The following PRUNE2 variants were observed in gnomAD, a reference collection of about 807,000 sequenced individuals.
PRUNE2 encodes the protein protein prune homolog 2.
Under a neutral mutation model 252.0 loss-of-function variants are expected in PRUNE2, and 164 were observed. The observed-to-expected ratio is 0.65, with a 90% CI of 0.57 to 0.74. PRUNE2 has a LOEUF of 0.74. Ranked by LOEUF, PRUNE2 falls within the 30% of genes least tolerant of loss-of-function variation. The pLI, the probability that PRUNE2 is intolerant of heterozygous loss-of-function variation, is 0.00. For missense variants in PRUNE2, 3,495 were observed against 3,711.0 expected (o/e 0.94, Z 1.51); for synonymous variants, 1,292 against 1,350.2 (o/e 0.96, Z 0.94).
At position 76,831,023 on chromosome 9, in the gene PRUNE2, G is replaced by A. The variant is rs7863780; in HGVS notation, c.509-4291C>T. ...CGGCTCTCTGCAAGCTCCACCTCCC[G>A]GGTTCACACCATTCTCCTGCCTCAG... is the stretch of plus-strand genomic sequence containing the variant. On this transcript the variant is annotated intron_variant, in intron 4 of 18. Coordinates refer to ENST00000376718, the MANE Select transcript of PRUNE2 (RefSeq NM_015225.3). Among the ~76,000 whole-genome samples the A allele has an allele frequency of 4.5e-3, 674 of 151,132 alleles. 1 individual carries two copies. The highest frequency in any genetic ancestry group is 0.027 in the Middle Eastern group (8 of 292).
chr9:76,713,539 G>A, intron 7 of PRUNE2, 24 bp downstream of exon 7: 1 of 1,593,852 alleles, frequency 6.3e-7, no homozygotes, highest in Non-Finnish European at 8.5e-7. Context: ...GAGGGAACAT[G>A]ACGGGGTCAG....
chr9:76,655,535 A>G (rs762327022), intron 9 of PRUNE2, 33 bp from the exon 10 acceptor site: 3 of 1,483,652 alleles, frequency 2.0e-6, no homozygotes, highest in East Asian at 2.3e-5. Flanking sequence ...CGCGTCAACA[A>G]CAACTGTGTA....
At chr9:76,865,256 G>C (rs1257061345) in intron 1 of PRUNE2, among the ~76,000 whole-genome samples, 5 of 152,166 alleles carry the variant, frequency 3.3e-5, no homozygotes, top group Admixed American at 3.3e-4. Flanking sequence ...ACTGTGAAAG[G>C]CTGAGGCAGG....
At chr9:76,631,289 T>C (rs983829925) in intron 15 of PRUNE2, among the ~76,000 whole-genome samples, 28 of 152,122 alleles carry the variant, frequency 1.8e-4, no homozygotes, top group Admixed American at 1.6e-3. Context: ...TTCACTGGAA[T>C]TTCGCAGTTC....
intron 6 of PRUNE2, among the ~76,000 whole-genome samples, chr9:76,782,379 T>C (rs955975961): frequency 6.6e-6 from 1 of 152,092 alleles, no homozygotes; most frequent in African/African-American, 2.4e-5. Flanking sequence ...GGCAGGTCAG[T>C]GGAGTAGTTA....
chr9:76,725,823 G>A (rs74600396), intron 6 of PRUNE2, among the ~76,000 whole-genome samples: 5,369 of 152,300 alleles, frequency 0.035, 136 homozygotes, highest in Non-Finnish European at 0.055. Flanking sequence ...GGAGATGGCT[G>A]TGTTTGAGAA....
intron 3 of PRUNE2, 54 bp downstream of exon 3, chr9:76,850,409 C>A: frequency 7.2e-7 from 1 of 1,383,618 alleles, no homozygotes; most frequent in Non-Finnish European, 1.0e-6. Context: ...GACACTTTGC[C>A]CAGTAGAACC....
intron 6 of PRUNE2, among the ~76,000 whole-genome samples, chr9:76,723,002 A>G (rs990897522): frequency 1.3e-5 from 2 of 152,242 alleles, no homozygotes; most frequent in Non-Finnish European, 2.9e-5. Flanking sequence ...AGCAAGCAAC[A>G]TCCTTGATTT....
Position 76,855,078 on chromosome 9 carries a change from A to AT in PRUNE2, c.37-871_37-870insA, listed in dbSNP as rs1166621444. Among the ~76,000 whole-genome samples, 14 of 132,992 alleles carry AT rather than the reference A, an allele frequency of 1.1e-4. No individual in the cohort carries two copies. The East Asian group carries it at 2.8e-3, about 26-fold the overall frequency. The allele number at this position is 132,992 out of a possible 152,430, so 87.2% of individuals were successfully genotyped here. On this transcript the variant is annotated intron_variant, in intron 1 of 18. Coordinates refer to ENST00000376718, the MANE Select transcript of PRUNE2 (RefSeq NM_015225.3). ...AGACTCCATCTCAAAAAAAAAAAAA[A>AT]AAAAATATATATATATATATATATA... is the stretch of plus-strand genomic sequence containing the variant.
chr9:76,657,389 G>A (rs1026422182), intron 9 of PRUNE2, among the ~76,000 whole-genome samples: 4 of 152,170 alleles, frequency 2.6e-5, no homozygotes, highest in African/African-American at 9.7e-5. Flanking sequence ...AGAGCACACA[G>A]GATGTGGGCC....
chr9:76,695,369 A>T (rs1481169309), intron 9 of PRUNE2, among the ~76,000 whole-genome samples: 1 of 152,222 alleles, frequency 6.6e-6, no homozygotes, highest in African/African-American at 2.4e-5. Flanking sequence ...AAGAGATTAT[A>T]ATACCCATGG....
intron 1 of PRUNE2, among the ~76,000 whole-genome samples, chr9:76,865,477 T>A (rs1220657998): frequency 6.6e-6 from 1 of 152,124 alleles, no homozygotes; most frequent in East Asian, 1.9e-4. Flanking sequence ...TGAACAAGGG[T>A]TGGAGACTGG....
chr9:76,832,172 T>G (rs1453825994), intron 4 of PRUNE2, among the ~76,000 whole-genome samples: 2 of 151,878 alleles, frequency 1.3e-5, no homozygotes, highest in African/African-American at 4.8e-5. Context: ...CAGTGGAAAA[T>G]TTTAACACAT....
rs1370334445 is a variant in PRUNE2 at position 76,816,022 on chromosome 9, C to A, written c.756+7610G>T. ...CTAAAAATACAAAAAATTAGCTGGT[C>A]GTGGTGGCGGGCACCTGTAATCCCA... On this transcript the variant is annotated intron_variant, in intron 6 of 18. Coordinates refer to ENST00000376718, the MANE Select transcript of PRUNE2 (RefSeq NM_015225.3). 2.0e-5 allele frequency among the ~76,000 whole-genome samples: 3 copies of A among 151,792 alleles called. No homozygotes were observed. The East Asian group carries it at 5.8e-4, about 29-fold the overall frequency.
At chr9:76,848,974 T>C (rs2059809704) in intron 3 of PRUNE2, among the ~76,000 whole-genome samples, 1 of 152,178 alleles carries the variant, frequency 6.6e-6, no homozygotes, top group Non-Finnish European at 1.5e-5. Flanking sequence ...AGCTCAACCA[T>C]GAGATGACAT....
chr9:76,900,807 G>T (rs1051832085), intron 1 of PRUNE2, among the ~76,000 whole-genome samples: 1 of 152,052 alleles, frequency 6.6e-6, no homozygotes, highest in Non-Finnish European at 1.5e-5. Context: ...ATTCACGGAG[G>T]GGTAGGTTCC....
chr9:76,895,554 G>T (rs1322241308), intron 1 of PRUNE2, among the ~76,000 whole-genome samples: 1 of 152,132 alleles, frequency 6.6e-6, no homozygotes. Context: ...ATCTGAGTGG[G>T]AAATTTTTCT....
intron 1 of PRUNE2, 90 bp downstream of exon 1, chr9:76,905,838 C>G: frequency 6.5e-6 from 10 of 1,541,364 alleles, no homozygotes; most frequent in South Asian, 1.1e-5. Context: ...AAAGTTGTTT[C>G]TTCCTCCTCT....
Position 76,707,427 on chromosome 9 carries a change from C to A in PRUNE2, c.4847G>T (p.Arg1616Leu), listed in dbSNP as rs368679517. 22 of 1,613,668 alleles carry A rather than the reference C, an allele frequency of 1.4e-5. 1 individual carries two copies. Among genetic ancestry groups the A allele is most frequent in the South Asian group, 8.8e-5 (8 of 91,076 alleles). The change falls in exon 8 of 19, where the codon CGC becomes CTC. Residue 1616 changes from arginine (R) to leucine (L), a missense_variant. Coordinates refer to ENST00000376718, the MANE Select transcript of PRUNE2 (RefSeq NM_015225.3). ...GATCTCTAAAAATGTAGGAGTTTTG[C>A]GATCAAAGCTCTTTTCAAACTCATT... ...RINEFEKSFD[R>L]KTPTFLEIWN...
Sources: gnomAD v4.1 joint callset for allele counts (sites outside exome capture counted in the v4.1 genomes callset) on GRCh38, gnomAD v4.1.1 for gene constraint, MANE v1.5 for transcripts, NCBI Gene and HGNC (gene_info 2026-07-23, HGNC 2026-07-21) for gene names.